SPIDR: variants seen among roughly 807,000 people sequenced by gnomAD.
SPIDR encodes scaffold protein involved in DNA repair, also known as DNA repair-scaffolding protein.
Under a neutral mutation model 104.6 loss-of-function variants are expected in SPIDR, and 93 were observed. The ratio of observed to expected loss-of-function variants is 0.89; its 90% CI spans 0.75 to 1.06. The LOEUF is 1.06. SPIDR is among the 50% of genes least tolerant of loss of function. The pLI is 0.00. For missense variants in SPIDR, 1,154 were observed against 1,111.2 expected, an observed-to-expected ratio of 1.04 and a Z score of -0.55; for synonymous variants, 431 against 416.9, an observed-to-expected ratio of 1.03 and a Z score of -0.41.
chr8:47,647,116 G>A (rs180985884), intron 10 of SPIDR, among the ~76,000 whole-genome samples: 83 of 152,246 alleles, frequency 5.5e-4, no homozygotes, highest in African/African-American at 1.8e-3. Context: ...ATAATGTTAA[G>A]CAACTGTGTA....
At chr8:47,321,307 AAG>A (rs1183199268) in intron 5 of SPIDR, among the ~76,000 whole-genome samples, 1 of 141,844 alleles carries the variant, frequency 7.1e-6, no homozygotes. Flanking sequence ...ATAACAGAGA[AAG>A]AGAGAGCCAA....
At chr8:47,266,701 G>A (rs1027661981) in intron 1 of SPIDR, among the ~76,000 whole-genome samples, 1 of 152,100 alleles carries the variant, frequency 6.6e-6, no homozygotes, top group Non-Finnish European at 1.5e-5. Flanking sequence ...TTCCAAAGTG[G>A]TTATATCTGT....
chr8:47,407,053 T>C (rs1364099066), intron 6 of SPIDR, among the ~76,000 whole-genome samples: 1 of 152,244 alleles, frequency 6.6e-6, no homozygotes, highest in East Asian at 1.9e-4. Flanking sequence ...ATAGTTATGT[T>C]AGTAGTTGAT....
In SPIDR at chr8:47,432,340, G is replaced by A. The variant is rs1478310273; in HGVS notation, c.878-7983G>A. Among the ~76,000 whole-genome samples, 4 of 152,172 alleles carry A rather than the reference G, an allele frequency of 2.6e-5. No homozygotes were observed. In the East Asian group the frequency reaches 7.7e-4, roughly 29 times the overall value. On this transcript the variant is annotated intron_variant, in intron 7 of 19. Coordinates refer to ENST00000297423, the MANE Select transcript of SPIDR (RefSeq NM_001080394.4). ...TTTTTCTCTTTGGAGCATCATTTGAGTCATAGTTTAATTTGTATTCTCTGG... is the reference window on the plus strand; with the variant it reads ...TTTTTCTCTTTGGAGCATCATTTGAATCATAGTTTAATTTGTATTCTCTGG...
intron 8 of SPIDR, among the ~76,000 whole-genome samples, chr8:47,489,092 T>C (rs530579869): frequency 1.3e-5 from 2 of 152,286 alleles, no homozygotes; most frequent in East Asian, 3.9e-4. Flanking sequence ...TGATTGTATA[T>C]TTAGAAAACC....
chr8:47,315,788 G>A (rs1292351768), intron 5 of SPIDR, among the ~76,000 whole-genome samples: 1 of 152,102 alleles, frequency 6.6e-6, no homozygotes. Context: ...AAAAGTGCTG[G>A]AACAACTAGA....
intron 5 of SPIDR, among the ~76,000 whole-genome samples, chr8:47,374,319 C>T (rs979377323): frequency 3.9e-5 from 6 of 151,964 alleles, no homozygotes; most frequent in Non-Finnish European, 8.8e-5. Context: ...CCGAGGAGTT[C>T]GAGACCAGCC....
chr8:47,408,800 T>C (rs2063105838), intron 7 of SPIDR, among the ~76,000 whole-genome samples: 1 of 152,212 alleles, frequency 6.6e-6, no homozygotes, highest in Admixed American at 6.5e-5. Context: ...CATTTCCATA[T>C]AGTAACAATG....
chr8:47,706,265 C>T (rs566099088), intron 14 of SPIDR, among the ~76,000 whole-genome samples: 6 of 152,008 alleles, frequency 3.9e-5, no homozygotes, highest in Non-Finnish European at 8.8e-5. Context: ...TGGTGGCAGG[C>T]GCCTGTAGTC....
chr8:47,297,531 T>C (rs1348875965), intron 5 of SPIDR, among the ~76,000 whole-genome samples: 3 of 152,258 alleles, frequency 2.0e-5, no homozygotes, highest in East Asian at 1.9e-4. Flanking sequence ...TATGTATACA[T>C]GTGCCATGTC....
intron 8 of SPIDR, among the ~76,000 whole-genome samples, chr8:47,454,226 C>T (rs2154350108): frequency 6.6e-6 from 1 of 152,246 alleles, no homozygotes; most frequent in East Asian, 1.9e-4. Context: ...TGGAACCAAC[C>T]CAAATGTCCA....
chr8:47,370,432 G>A (rs1477974675), intron 5 of SPIDR, among the ~76,000 whole-genome samples: 1 of 150,374 alleles, frequency 6.7e-6, no homozygotes, highest in Non-Finnish European at 1.5e-5. Context: ...TAAGTGAAGA[G>A]GTCAAGATTT....
At position 47,703,587 on chromosome 8, in the gene SPIDR, G is replaced by C. The variant is rs1370506498; in HGVS notation, c.1977+1572G>C. On this transcript the variant is annotated intron_variant, in intron 14 of 19. Transcript: ENST00000297423. ...CATTCACAAATGAATGAGCAGGGCT[G>C]TGTTTCAGAAACCTTTATTTACAGA... Among the ~76,000 whole-genome samples, 3 of 152,202 alleles carry C rather than the reference G, an allele frequency of 2.0e-5. No homozygotes were observed. In the East Asian group the frequency reaches 5.8e-4, roughly 29 times the overall value.
At chr8:47,292,541 G>A (rs1270923175) in intron 4 of SPIDR, among the ~76,000 whole-genome samples, 4 of 152,222 alleles carry the variant, frequency 2.6e-5, no homozygotes, top group South Asian at 4.2e-4. Context: ...GAGCTGTCGC[G>A]CCCAGCCTCC....
intron 10 of SPIDR, among the ~76,000 whole-genome samples, chr8:47,649,101 C>T (rs931092268): frequency 3.3e-5 from 5 of 151,970 alleles, no homozygotes; most frequent in East Asian, 1.9e-4. Context: ...AATTAGAAGC[C>T]GGCCCAGGAT....
chr8:47,554,070 C>G (rs1035651998), intron 8 of SPIDR, among the ~76,000 whole-genome samples: 6 of 152,126 alleles, frequency 3.9e-5, no homozygotes, highest in Admixed American at 1.3e-4. Flanking sequence ...ACAGCAAATA[C>G]TGCAGAACGG....
chr8:47,406,699 A>C (rs1554667493), intron 6 of SPIDR, among the ~76,000 whole-genome samples: 1 of 152,212 alleles, frequency 6.6e-6, no homozygotes, highest in East Asian at 1.9e-4. Context: ...AAAACATAAC[A>C]AAAACAGTTA....
chr8:47,288,758 C>G (rs1319134284), intron 3 of SPIDR, among the ~76,000 whole-genome samples: 5 of 152,214 alleles, frequency 3.3e-5, no homozygotes, highest in Non-Finnish European at 7.3e-5. Context: ...TTCAGTAATT[C>G]TAGATGTTTG....
In SPIDR at chr8:47,279,921, C is replaced by T; in HGVS notation, c.93C>T (p.Val31=). ...TTCCAGGAGAAAGACCACTGCAGGT[C>T]AGAAGAGCAGGTCTCAGGACAGCAG... ...PSFPGERPLQ[V]RRAGLRTAGA... The change falls in exon 2 of 20, where the codon GTC becomes GTT. Residue 31 remains valine, a synonymous_variant. Coordinates refer to ENST00000297423, the MANE Select transcript of SPIDR (RefSeq NM_001080394.4). 1 of 1,613,944 alleles carries T rather than the reference C, an allele frequency of 6.2e-7. No homozygotes were observed. Among genetic ancestry groups the T allele is most frequent in the South Asian group, 1.1e-5 (1 of 91,058 alleles).
Sources: gnomAD v4.1 joint callset for allele counts (sites outside exome capture counted in the v4.1 genomes callset) on GRCh38, gnomAD v4.1.1 for gene constraint, MANE v1.5 for transcripts, NCBI Gene and HGNC (gene_info 2026-07-23, HGNC 2026-07-21) for gene names.